Variants in MAN1A2 observed in about 807,000 individuals in gnomAD.
MAN1A2 encodes the protein mannosidase alpha class 1A member 2.
In MAN1A2, 26 loss-of-function variants were observed where a neutral mutation model predicts 75.7. The ratio of observed to expected loss-of-function variants is 0.34; its 90% CI spans 0.25 to 0.48. MAN1A2 has a LOEUF of 0.48. MAN1A2 is among the 20% of genes least tolerant of loss of function. The pLI, the probability that MAN1A2 is intolerant of heterozygous loss-of-function variation, is 0.99. For synonymous variants in MAN1A2, 247 were observed against 264.6 expected (o/e 0.93, Z 0.65); for missense variants, 562 against 775.5 (o/e 0.72, Z 3.27).
chr1:117,368,071 G>A lies in MAN1A2; in HGVS notation c.-113G>A. ...TAAAAAGCACAACAGTCCTTTAAGA[G>A]GAGCAAAATTGAGTTTTCCCATTTT... On this transcript the variant is annotated 5_prime_UTR_variant, in exon 1 of 13. Transcript: ENST00000356554. 2.0e-6 allele frequency: 2 copies of A among 1,019,228 alleles called. No individual in the cohort carries two copies. Among genetic ancestry groups the A allele is most frequent in the South Asian group, 3.2e-5 (2 of 63,194 alleles). 63.1% of individuals were successfully genotyped at this position (1,019,228 alleles called of 1,614,324 possible).
intron 5 of MAN1A2, among the ~76,000 whole-genome samples, chr1:117,434,602 T>C (rs1648788096): frequency 6.6e-6 from 1 of 152,168 alleles, no homozygotes; most frequent in Non-Finnish European, 1.5e-5. Flanking sequence ...TATTCATCCA[T>C]AGGAGAGTGA....
At position 117,404,632 on chromosome 1, in the gene MAN1A2, C is replaced by T. The variant is rs185388978; in HGVS notation, c.559-917C>T. Among the ~76,000 whole-genome samples the T allele has an allele frequency of 3.5e-3, 530 of 152,292 alleles. 1 individual carries two copies. The highest frequency in any genetic ancestry group is 4.7e-3 in the Non-Finnish European group (321 of 68,032). ...AAAAAAGCCCTCTATCTCATGGTGT[C>T]AATAACAATATGTGTAAAAAGAACT... On this transcript the variant is annotated intron_variant, in intron 2 of 12. Transcript: ENST00000356554.
intron 4 of MAN1A2, among the ~76,000 whole-genome samples, chr1:117,417,534 A>AATATATATATATATATATATATAT (rs551507232): frequency 0.027 from 2,361 of 88,350 alleles, 117 homozygotes; most frequent in Admixed American, 0.037. Context: ...CTTGAGTTTA[A>AATATATATATATATATATATATAT]ATATATATAT....
At chr1:117,479,358 T>G (rs1016108510) in intron 8 of MAN1A2, among the ~76,000 whole-genome samples, 4 of 151,976 alleles carry the variant, frequency 2.6e-5, no homozygotes, top group African/African-American at 7.2e-5. Flanking sequence ...AATGGGCATT[T>G]AGGTTGATTC....
intron 5 of MAN1A2, among the ~76,000 whole-genome samples, chr1:117,432,146 A>C (rs995676569): frequency 6.6e-6 from 1 of 152,234 alleles, no homozygotes; most frequent in African/African-American, 2.4e-5. Flanking sequence ...AGAATTGATA[A>C]ACCTTTTTAG....
rs59022844 is a variant in MAN1A2, at chr1:117,526,880, C to CTATATATA, written c.*3945_*3952dup. 1.4e-3 allele frequency: 77 copies of CTATATATA among 54,488 alleles called. No individual in the cohort carries two copies. The highest frequency in any genetic ancestry group is 2.6e-3 in the African/African-American group (32 of 12,276). 3.4% of individuals were successfully genotyped at this position (54,488 alleles called of 1,614,324 possible). A position where few individuals can be genotyped will look rare whatever the true frequency, so the allele number is the denominator to read the frequency against. ...TCTCTCTCTCTCTCTCTCTCTCTCT[C>CTATATATA]TATATATATATATATATATATATAT... On this transcript the variant is annotated 3_prime_UTR_variant, in exon 13 of 13. Coordinates refer to ENST00000356554, the MANE Select transcript of MAN1A2 (RefSeq NM_006699.5).
At chr1:117,484,827 TAGAC>T (rs894611915) in intron 8 of MAN1A2, among the ~76,000 whole-genome samples, 12 of 151,992 alleles carry the variant, frequency 7.9e-5, no homozygotes, top group Non-Finnish European at 1.3e-4. Flanking sequence ...AATGGTAAAA[TAGAC>T]TAGTATCTAC....
chr1:117,407,767 CT>C (rs776497129), intron 3 of MAN1A2, among the ~76,000 whole-genome samples: 40 of 152,150 alleles, frequency 2.6e-4, no homozygotes, highest in Non-Finnish European at 4.9e-4. Flanking sequence ...TTTACCTGAG[CT>C]TTTTTACTTT....
chr1:117,384,963 A>G (rs776256706), intron 1 of MAN1A2, among the ~76,000 whole-genome samples: 2 of 152,140 alleles, frequency 1.3e-5, no homozygotes, highest in African/African-American at 2.4e-5. Context: ...GGAATTTGGA[A>G]TTATATAGAA....
At chr1:117,486,291 T>C (rs1334139881) in intron 8 of MAN1A2, among the ~76,000 whole-genome samples, 3 of 151,952 alleles carry the variant, frequency 2.0e-5, no homozygotes, top group African/African-American at 7.2e-5. Context: ...AGTTAAGATA[T>C]TGGTTACTTT....
intron 5 of MAN1A2, among the ~76,000 whole-genome samples, chr1:117,440,666 A>G (rs2101811432): frequency 6.6e-6 from 1 of 152,234 alleles, no homozygotes; most frequent in African/African-American, 2.4e-5. Context: ...TTAGTTGAAA[A>G]TTAGACAATA....
intron 11 of MAN1A2, 87 bp from the exon 12 acceptor site, chr1:117,502,768 C>G (rs1651240708): frequency 2.9e-6 from 2 of 691,658 alleles, no homozygotes; most frequent in Non-Finnish European, 5.1e-6. Flanking sequence ...TCTTTATGAG[C>G]TTTTGACTAT....
intron 8 of MAN1A2, among the ~76,000 whole-genome samples, chr1:117,471,595 C>T (rs1234156206): frequency 6.6e-6 from 1 of 151,486 alleles, no homozygotes; most frequent in East Asian, 1.9e-4. Flanking sequence ...TATCCTTTTG[C>T]TTTAATGTAA....
chr1:117,513,005 ATATGT>A (rs1156493656), intron 12 of MAN1A2, among the ~76,000 whole-genome samples: 1 of 152,162 alleles, frequency 6.6e-6, no homozygotes, highest in East Asian at 1.9e-4. Flanking sequence ...CTTTATTGAA[ATATGT>A]TAAGTGTACA....
rs1651915639 is a variant in MAN1A2 at position 117,523,121 on chromosome 1, A to C, written c.*164A>C. ...TCAACTTGTAGATACATCAACTTTG[A>C]AATTATTCCATTTTATACCTGACCA... On this transcript the variant is annotated 3_prime_UTR_variant, in exon 13 of 13. Coordinates refer to ENST00000356554, the MANE Select transcript of MAN1A2 (RefSeq NM_006699.5). The C allele has an allele frequency of 6.5e-6, 5 of 767,786 alleles. No individual in the cohort carries two copies. In the South Asian group the frequency reaches 7.8e-5, roughly 12 times the overall value. 47.6% of individuals were successfully genotyped at this position (767,786 alleles called of 1,614,324 possible).
At chr1:117,505,177 A>T (rs1218226355) in intron 12 of MAN1A2, among the ~76,000 whole-genome samples, 1 of 151,472 alleles carries the variant, frequency 6.6e-6, no homozygotes, top group Non-Finnish European at 1.5e-5. Flanking sequence ...TGCTTCTGGC[A>T]GGAATGCCTT....
intron 8 of MAN1A2, among the ~76,000 whole-genome samples, chr1:117,475,879 C>T (rs889995496): frequency 3.9e-5 from 6 of 152,120 alleles, no homozygotes; most frequent in African/African-American, 1.4e-4. Context: ...GGTGTATACC[C>T]AGTAATGGGA....
chr1:117,370,160 A>G (rs1652911786), intron 1 of MAN1A2, among the ~76,000 whole-genome samples: 1 of 152,228 alleles, frequency 6.6e-6, no homozygotes, highest in African/African-American at 2.4e-5. Context: ...GAATTCTTAA[A>G]TTTATGAAGC....
At chr1:117,428,784 CTTT>C (rs780515731) in intron 5 of MAN1A2, among the ~76,000 whole-genome samples, 109 of 110,178 alleles carry the variant, frequency 9.9e-4, no homozygotes, top group African/African-American at 3.4e-3. Context: ...GGAGACCTTT[CTTT>C]TTTTTTTTTT....
Sources: gnomAD v4.1 joint callset for allele counts (sites outside exome capture counted in the v4.1 genomes callset) on GRCh38, gnomAD v4.1.1 for gene constraint, MANE v1.5 for transcripts, NCBI Gene and HGNC (gene_info 2026-07-23, HGNC 2026-07-21) for gene names.